Variants in PDAP1 observed in about 807,000 individuals in gnomAD.
PDAP1 encodes PDGFA associated protein 1.
PDAP1 carries 13 observed loss-of-function variants against 28.0 expected under a neutral mutation model. The observed-to-expected ratio is 0.46, with a 90% confidence interval of 0.30 to 0.74. The LOEUF (loss-of-function observed/expected upper bound fraction) is 0.74. Ranked by LOEUF, PDAP1 falls within the 30% of genes least tolerant of loss-of-function variation. The pLI is 0.07. For missense variants in PDAP1, 150 were observed against 230.0 expected, an observed-to-expected ratio of 0.65 and a Z score of 2.25; for synonymous variants, 77 against 85.1, an observed-to-expected ratio of 0.91 and a Z score of 0.52.
In PDAP1 at chr7:99,396,494, C is replaced by CAA; in HGVS notation, c.*187_*188insTT. 1 of 536,016 alleles carries CAA rather than the reference C, an allele frequency of 1.9e-6. No homozygotes were observed. Among genetic ancestry groups the CAA allele is most frequent in the Non-Finnish European group, 3.3e-6 (1 of 302,670 alleles). The allele number at this position is 536,016 out of a possible 1,614,324, so 33.2% of individuals were successfully genotyped here. On this transcript the variant is annotated 3_prime_UTR_variant, in exon 6 of 6. Transcript: ENST00000350498. ...TCTGTCTCAAAGATAGCAGCTACCC[C>CAA]TCCCCCAGTCCCCCCCCCCATCCCC...
chr7:99,407,143 G>A (rs1794986732), intron 1 of PDAP1, among the ~76,000 whole-genome samples: 1 of 152,152 alleles, frequency 6.6e-6, no homozygotes. Flanking sequence ...TTGGTCCTTT[G>A]CTCTTAGGGA....
At chr7:99,402,273 C>A (rs1450018233) in intron 3 of PDAP1, among the ~76,000 whole-genome samples, 1 of 147,758 alleles carries the variant, frequency 6.8e-6, no homozygotes, top group Non-Finnish European at 1.5e-5. Flanking sequence ...GTCTCTCAAT[C>A]CCTTCAAGGC....
intron 1 of PDAP1, 112 bp downstream of exon 1, chr7:99,408,424 G>A: frequency 1.0e-6 from 1 of 1,004,170 alleles, no homozygotes. Flanking sequence ...CAGCCGGTGC[G>A]GACAGCCTCC....
intron 3 of PDAP1, 50 bp downstream of exon 3, chr7:99,403,348 T>C: frequency 8.9e-6 from 10 of 1,118,028 alleles, no homozygotes; most frequent in Non-Finnish European, 1.4e-5. Flanking sequence ...TCAACGTTTG[T>C]TTGTTGAATG....
Position 99,396,402 on chromosome 7 carries a change from G to A in PDAP1, c.*280C>T. On this transcript the variant is annotated 3_prime_UTR_variant, in exon 6 of 6. Coordinates refer to ENST00000350498, the MANE Select transcript of PDAP1 (RefSeq NM_014891.7). ...CCATCTCCCAGGCACCCCCCAGCAA[G>A]GGCTCTGAATTCTAAAAACAGCAAA... 2.0e-6 allele frequency: 1 copy of A among 500,866 alleles called. No individual in the cohort carries two copies. Among genetic ancestry groups the A allele is most frequent in the Non-Finnish European group, 3.6e-6 (1 of 274,838 alleles). The allele number at this position is 500,866 out of a possible 1,614,324, so 31.0% of individuals were successfully genotyped here.
In PDAP1 at chr7:99,394,799, A is replaced by T; in HGVS notation, c.*1883T>A. ...CTGTGTAAAAAAAAAAAAAAAAAAA[A>T]AAGTAATTATGGACATGCTTGCCTA... On this transcript the variant is annotated 3_prime_UTR_variant, in exon 6 of 6. Transcript: ENST00000350498. 8.1e-7 allele frequency: 1 copy of T among 1,227,276 alleles called. No individual in the cohort carries two copies. Among genetic ancestry groups the T allele is most frequent in the African/African-American group, 1.6e-5 (1 of 63,484 alleles). The allele number at this position is 1,227,276 out of a possible 1,614,324, so 76.0% of individuals were successfully genotyped here.
chr7:99,397,627 A>G (rs911834845), intron 5 of PDAP1, among the ~76,000 whole-genome samples: 4 of 152,056 alleles, frequency 2.6e-5, no homozygotes, highest in African/African-American at 7.2e-5. Flanking sequence ...CCTACTGTGG[A>G]CGGTGCTCTG....
chr7:99,395,238 CTT>C lies in PDAP1; in HGVS notation c.*1442_*1443del, dbSNP rs1258225176. On this transcript the variant is annotated 3_prime_UTR_variant, in exon 6 of 6. Coordinates refer to ENST00000350498, the MANE Select transcript of PDAP1 (RefSeq NM_014891.7). ...GTTCTCAGCTCACTGCCACCTCTGC[CTT>C]CCTGGGATCAAGCGATTCTCCTGCC... is the stretch of plus-strand genomic sequence containing the variant. 1 of 151,592 alleles carries C rather than the reference CTT, an allele frequency of 6.6e-6. No homozygotes were observed. The highest frequency in any genetic ancestry group is 1.5e-5 in the Non-Finnish European group (1 of 67,954). The allele number at this position is 151,592 out of a possible 1,614,324, so 9.4% of individuals were successfully genotyped here. A position where few individuals can be genotyped will look rare whatever the true frequency, so the allele number is the denominator to read the frequency against.
intron 4 of PDAP1, among the ~76,000 whole-genome samples, chr7:99,398,314 C>T (rs1466256472): frequency 3.9e-5 from 6 of 152,316 alleles, no homozygotes; most frequent in East Asian, 1.9e-4. Flanking sequence ...CAGGCTCTGG[C>T]GGCCATGGAG....
Position 99,394,811 on chromosome 7 carries a change from G to A in PDAP1, c.*1871C>T. 8.1e-7 allele frequency: 1 copy of A among 1,227,282 alleles called. No homozygotes were observed. The highest frequency in any genetic ancestry group is 1.0e-6 in the Non-Finnish European group (1 of 985,344). The allele number at this position is 1,227,282 out of a possible 1,614,324, so 76.0% of individuals were successfully genotyped here. On this transcript the variant is annotated 3_prime_UTR_variant, in exon 6 of 6. Transcript: ENST00000350498. ...AAAAAAAAAAAAAAAAGTAATTATG[G>A]ACATGCTTGCCTATGTGGAAGGAGA...
chr7:99,399,843 C>G (rs1382841134), intron 4 of PDAP1, among the ~76,000 whole-genome samples: 1 of 152,234 alleles, frequency 6.6e-6, no homozygotes, highest in Admixed American at 6.5e-5. Context: ...TTTACAGCTT[C>G]ATTTTCACAC....
chr7:99,402,665 G>A (rs567831257), intron 3 of PDAP1, among the ~76,000 whole-genome samples: 5 of 150,270 alleles, frequency 3.3e-5, no homozygotes, highest in Admixed American at 6.6e-5. Context: ...GGTGGATCAC[G>A]AGGTCAGGAG....
chr7:99,400,562 A>T (rs1794845259), intron 3 of PDAP1, 138 bp from the exon 4 acceptor site: 1 of 887,958 alleles, frequency 1.1e-6, no homozygotes, highest in Non-Finnish European at 1.7e-6. Context: ...GCTCAGCCCA[A>T]GTCTCACAGT....
rs1054493158 is a variant in PDAP1, at chr7:99,395,323, G to C, written c.*1359C>G. ...ACACCACCAAGCCTGGTTAATTTTTGTATTTTTAGTAGAGACGGAGTTTCT... is the reference window on the plus strand; with the variant it reads ...ACACCACCAAGCCTGGTTAATTTTTCTATTTTTAGTAGAGACGGAGTTTCT... On this transcript the variant is annotated 3_prime_UTR_variant, in exon 6 of 6. Coordinates refer to ENST00000350498, the MANE Select transcript of PDAP1 (RefSeq NM_014891.7). 1 of 152,210 alleles carries C rather than the reference G, an allele frequency of 6.6e-6. No individual in the cohort carries two copies. Among genetic ancestry groups the C allele is most frequent in the East Asian group, 1.9e-4 (1 of 5,202 alleles). The allele number at this position is 152,210 out of a possible 1,614,324, so 9.4% of individuals were successfully genotyped here.
chr7:99,396,755 A>C lies in PDAP1; in HGVS notation c.488-15T>G. 6.2e-7 allele frequency: 1 copy of C among 1,610,188 alleles called. No individual in the cohort carries two copies. Among genetic ancestry groups the C allele is most frequent in the Non-Finnish European group, 8.5e-7 (1 of 1,177,618 alleles). The stretch of plus-strand genomic sequence containing the variant: ...ATCGTCTTTTGCTGAGGGGTGGGAG[A>C]AGGGCAGGGGTTAAAACAAAGCAAC... On this transcript the variant is annotated splice_polypyrimidine_tract_variant and intron_variant, in intron 5 of 5. Transcript: ENST00000350498.
At chr7:99,405,208 G>T (rs1025382485) in intron 1 of PDAP1, among the ~76,000 whole-genome samples, 1 of 152,174 alleles carries the variant, frequency 6.6e-6, no homozygotes, top group Admixed American at 6.5e-5. Context: ...AGAACATGGC[G>T]GACGGTGCAC....
chr7:99,401,758 G>A (rs1050280510), intron 3 of PDAP1, among the ~76,000 whole-genome samples: 9 of 150,488 alleles, frequency 6.0e-5, no homozygotes, highest in African/African-American at 1.7e-4. Context: ...GAGTGCAGTG[G>A]CATAGTCTTG....
chr7:99,400,481 G>A, intron 3 of PDAP1, 57 bp from the exon 4 acceptor site: 1 of 1,602,018 alleles, frequency 6.2e-7, no homozygotes, highest in Admixed American at 1.7e-5. Context: ...GCCCCTGAGG[G>A]CCACTCCTGC....
chr7:99,404,749 C>T (rs911740773), intron 2 of PDAP1, 113 bp downstream of exon 2: 3 of 738,910 alleles, frequency 4.1e-6, no homozygotes, highest in African/African-American at 3.5e-5. Context: ...GCCCGACCCC[C>T]ACGTGCTGGC....
Sources: gnomAD v4.1 joint callset for allele counts (sites outside exome capture counted in the v4.1 genomes callset) on GRCh38, gnomAD v4.1.1 for gene constraint, MANE v1.5 for transcripts, NCBI Gene and HGNC (gene_info 2026-07-23, HGNC 2026-07-21) for gene names.